CCDC88C: variants seen among roughly 807,000 people sequenced by gnomAD.
The protein encoded by CCDC88C is protein Daple.
In CCDC88C, 131 loss-of-function variants were observed where a neutral mutation model predicts 198.8. The observed-to-expected ratio is 0.66, with a 90% confidence interval of 0.57 to 0.76. CCDC88C has a LOEUF of 0.76. Among genes scored for constraint, CCDC88C ranks in the 30% least tolerant of loss-of-function variants. The pLI is 0.00. For missense variants in CCDC88C, 2,553 were observed against 2,631.6 expected (o/e 0.97, Z 0.65); for synonymous variants, 1,166 against 1,114.7 (o/e 1.05, Z -0.92).
chr14:91,285,724 G>A (rs1169517535), intron 25 of CCDC88C: 1 of 1,289,034 alleles, frequency 7.8e-7, no homozygotes, highest in Non-Finnish European at 1.0e-6. Context: ...AGGATGGGAT[G>A]TCGGAGGAAG....
At chr14:91,337,959 A>G in intron 10 of CCDC88C, 46 bp downstream of exon 10, 1 of 1,601,014 alleles carries the variant, frequency 6.2e-7, no homozygotes, top group Non-Finnish European at 8.5e-7. Context: ...GCTTCTCAGG[A>G]ATTTCCAGCA....
chr14:91,300,151 T>C, intron 20 of CCDC88C, 81 bp from the exon 21 acceptor site: 2 of 1,525,698 alleles, frequency 1.3e-6, no homozygotes, highest in Middle Eastern at 3.4e-4. Context: ...AGGATCTGCG[T>C]GCCTCCCGTG....
Position 91,413,961 on chromosome 14 carries a change from C to A in CCDC88C, c.161+2777G>T, listed in dbSNP as rs190783040. 3.9e-4 allele frequency among the ~76,000 whole-genome samples: 60 copies of A among 152,282 alleles called. No homozygotes were observed. The Middle Eastern group carries it at 0.01, about 26-fold the overall frequency. On this transcript the variant is annotated intron_variant, in intron 2 of 29. Coordinates refer to ENST00000389857, the MANE Select transcript of CCDC88C (RefSeq NM_001080414.4). Reference sequence around the variant, plus strand: ...GGAGATGAGGCAGAACAGCCTTACCCCTTACCTGCTGGCTAGTGACATGTT... The same window carrying A: ...GGAGATGAGGCAGAACAGCCTTACCACTTACCTGCTGGCTAGTGACATGTT...
Position 91,315,640 on chromosome 14 carries a change from A to G in CCDC88C, c.1665+10T>C. 1.2e-6 allele frequency: 2 copies of G among 1,613,672 alleles called. No homozygotes were observed. The highest frequency in any genetic ancestry group is 1.7e-6 in the Non-Finnish European group (2 of 1,179,816). On this transcript the variant is annotated intron_variant, in intron 14 of 29. Coordinates refer to ENST00000389857, the MANE Select transcript of CCDC88C (RefSeq NM_001080414.4). ...GTTCTAGGAGAGGCGTTAGTGGTGGAGGCACCTACCTGCCTGGCTTTGTCA... is the reference window on the plus strand; with the variant it reads ...GTTCTAGGAGAGGCGTTAGTGGTGGGGGCACCTACCTGCCTGGCTTTGTCA...
intron 3 of CCDC88C, among the ~76,000 whole-genome samples, chr14:91,388,958 G>A (rs984593712): frequency 6.6e-6 from 1 of 152,142 alleles, no homozygotes; most frequent in Non-Finnish European, 1.5e-5. Context: ...GTCTTCTTCA[G>A]ACCCCATCAT....
intron 16 of CCDC88C, 148 bp downstream of exon 16, chr14:91,309,711 C>G (rs1467238017): frequency 1.5e-6 from 1 of 651,252 alleles, no homozygotes; most frequent in Non-Finnish European, 2.3e-6. Flanking sequence ...CAGAAACGAC[C>G]AAGGAACTTT....
At chr14:91,334,618 C>T (rs1390529487) in intron 10 of CCDC88C, among the ~76,000 whole-genome samples, 1 of 152,180 alleles carries the variant, frequency 6.6e-6, no homozygotes, top group African/African-American at 2.4e-5. Context: ...AATCTCAGGG[C>T]AAATTCCCTG....
rs1430908282 is a variant in CCDC88C at position 91,338,464 on chromosome 14, A to G, written c.891+25T>C. The G allele has an allele frequency of 5.2e-6, 8 of 1,549,298 alleles. No homozygotes were observed. The highest frequency in any genetic ancestry group is 7.0e-6 in the Non-Finnish European group (8 of 1,144,042). On this transcript the variant is annotated intron_variant, in intron 9 of 29. Coordinates refer to ENST00000389857, the MANE Select transcript of CCDC88C (RefSeq NM_001080414.4). This position sits in a 1 kb window ranked among gnomAD's most constrained non-coding sequence, Gnocchi z 4.8. The stretch of plus-strand genomic sequence containing the variant: ...ACTCCAGCCCTGCTACCCCCAGGAC[A>G]CACAGGCTCAGGCCCCCGACTCACC...
At chr14:91,324,721 C>A in intron 12 of CCDC88C, 58 bp downstream of exon 12, 2 of 1,594,424 alleles carry the variant, frequency 1.3e-6, no homozygotes, top group Non-Finnish European at 1.7e-6. Context: ...GGACTCAGCT[C>A]CCTGGAGGCA....
At chr14:91,373,769 A>C (rs1567106506) in intron 3 of CCDC88C, among the ~76,000 whole-genome samples, 3 of 152,154 alleles carry the variant, frequency 2.0e-5, no homozygotes, top group African/African-American at 4.8e-5. Context: ...ATCTCAAAAG[A>C]TGTTATCAAC....
intron 4 of CCDC88C, among the ~76,000 whole-genome samples, chr14:91,349,412 T>G (rs906471259): frequency 6.6e-6 from 1 of 152,240 alleles, no homozygotes; most frequent in Non-Finnish European, 1.5e-5. Flanking sequence ...GAGAGCACGC[T>G]GCTTGTCAAA....
chr14:91,366,098 G>T (rs1358325021), intron 3 of CCDC88C, among the ~76,000 whole-genome samples: 1 of 151,560 alleles, frequency 6.6e-6, no homozygotes, highest in East Asian at 1.9e-4. Flanking sequence ...TATAGTCAGA[G>T]GCATCTATTT....
Position 91,338,950 on chromosome 14 carries a change from C to G in CCDC88C, c.809+328G>C, listed in dbSNP as rs1893181191. The stretch of plus-strand genomic sequence containing the variant: ...AGGGAAGGAGGGGCACCTCATCCCT[C>G]CAGCCAAGAAAACACATCAGGTGTG... On this transcript the variant is annotated intron_variant, in intron 8 of 29. Transcript: ENST00000389857. This position sits in a 1 kb window ranked among gnomAD's most constrained non-coding sequence, Gnocchi z 4.8. The G allele has an allele frequency of 2.1e-6, 1 of 487,076 alleles. No individual in the cohort carries two copies. Among genetic ancestry groups the G allele is most frequent in the African/African-American group, 1.9e-5 (1 of 51,428 alleles). The allele number at this position is 487,076 out of a possible 1,614,324, so 30.2% of individuals were successfully genotyped here. A position where few individuals can be genotyped will look rare whatever the true frequency, so the allele number is the denominator to read the frequency against.
rs1894206659 is a variant in CCDC88C at position 91,359,583 on chromosome 14, GCCCAACGCCATGCCT to G, written c.340+44_340+58del. 3.6e-6 allele frequency: 5 copies of G among 1,390,330 alleles called. No individual in the cohort carries two copies. The African/African-American group carries it at 7.1e-5, about 20-fold the overall frequency. 86.1% of individuals were successfully genotyped at this position (1,390,330 alleles called of 1,614,324 possible). ...AGCCGGAGCTCGATGGCCAGCAGCT[GCCCAACGCCATGCCT>G]CTGGCTGGGCACCACAGGGGAGAAG... On this transcript the variant is annotated intron_variant, in intron 4 of 29. Coordinates refer to ENST00000389857, the MANE Select transcript of CCDC88C (RefSeq NM_001080414.4).
chr14:91,340,131 T>A, intron 6 of CCDC88C, 107 bp from the exon 7 acceptor site: 1 of 1,465,784 alleles, frequency 6.8e-7, no homozygotes, highest in Non-Finnish European at 9.3e-7. Context: ...AATCCCTCAG[T>A]GACAAATTTA....
At chr14:91,297,579 G>A in intron 21 of CCDC88C, 88 bp from the exon 22 acceptor site, 1 of 1,350,936 alleles carries the variant, frequency 7.4e-7, no homozygotes, top group Non-Finnish European at 1.0e-6. Flanking sequence ...TCCCAGCTCT[G>A]ACAGTGGCAG....
chr14:91,338,828 G>A lies in CCDC88C; in HGVS notation c.810-258C>T. 2 of 520,514 alleles carry A rather than the reference G, an allele frequency of 3.8e-6. No homozygotes were observed. The highest frequency in any genetic ancestry group is 7.0e-6 in the Non-Finnish European group (2 of 287,378). 32.2% of individuals were successfully genotyped at this position (520,514 alleles called of 1,614,324 possible). ...CCCTCCCTGTGTGTGGGGCAGGTAAGGAGACCCCAGCGGCAGCTGTACCAC... is the reference window on the plus strand; with the variant it reads ...CCCTCCCTGTGTGTGGGGCAGGTAAAGAGACCCCAGCGGCAGCTGTACCAC... On this transcript the variant is annotated intron_variant, in intron 8 of 29. Coordinates refer to ENST00000389857, the MANE Select transcript of CCDC88C (RefSeq NM_001080414.4). This position sits in a 1 kb window ranked among gnomAD's most constrained non-coding sequence, Gnocchi z 4.8.
intron 10 of CCDC88C, among the ~76,000 whole-genome samples, chr14:91,330,043 G>C (rs1431039234): frequency 6.6e-6 from 1 of 152,260 alleles, no homozygotes; most frequent in Admixed American, 6.5e-5. Context: ...ACAGGGGCCG[G>C]GTTTGCCCAG....
At chr14:91,302,735 T>C (rs1210781934) in intron 20 of CCDC88C, among the ~76,000 whole-genome samples, 1 of 152,214 alleles carries the variant, frequency 6.6e-6, no homozygotes, top group African/African-American at 2.4e-5. Flanking sequence ...TATATGATTC[T>C]GCTTCCTTTC....
Sources: gnomAD v4.1 joint callset for allele counts (sites outside exome capture counted in the v4.1 genomes callset) on GRCh38, gnomAD v4.1.1 for gene constraint, Gnocchi (gnomAD v3.1) non-coding constraint, MANE v1.5 for transcripts, NCBI Gene and HGNC (gene_info 2026-07-23, HGNC 2026-07-21) for gene names.